AKR1A1: variants seen among roughly 807,000 people sequenced by gnomAD.
AKR1A1 encodes the protein aldo-keto reductase family 1 member A1, also known as HEL-S-165mP.
A neutral mutation model predicts 39.2 loss-of-function variants in AKR1A1; 26 were observed. The ratio of observed to expected loss-of-function variants is 0.66; its 90% CI spans 0.49 to 0.92. AKR1A1 has a LOEUF of 0.92. Among genes scored for constraint, AKR1A1 ranks in the 40% least tolerant of loss-of-function variants. AKR1A1 has a pLI of 0.00. For synonymous variants in AKR1A1, 141 were observed against 155.5 expected, an observed-to-expected ratio of 0.91 and a Z score of 0.69; for missense variants, 378 against 406.5, an observed-to-expected ratio of 0.93 and a Z score of 0.60.
At chr1:45,568,381 G>A in intron 5 of AKR1A1, 104 bp from the exon 6 acceptor site, 6 of 1,342,594 alleles carry the variant, frequency 4.5e-6, no homozygotes, top group Non-Finnish European at 6.3e-6. Context: ...CTGAAGGGGA[G>A]TGGAGGAGTC....
chr1:45,561,144 CT>C (rs1644272439), intron 1 of AKR1A1, among the ~76,000 whole-genome samples: 1 of 152,182 alleles, frequency 6.6e-6, no homozygotes, highest in Non-Finnish European at 1.5e-5. Flanking sequence ...CTTTGCCTGC[CT>C]TACACTGGCT....
intron 1 of AKR1A1, among the ~76,000 whole-genome samples, chr1:45,553,205 C>G (rs576495031): frequency 2.0e-5 from 3 of 150,534 alleles, no homozygotes; most frequent in Admixed American, 1.3e-4. Flanking sequence ...GGGCAGATCA[C>G]GAGGTCAAGA....
rs67386168 is a variant in AKR1A1 at position 45,557,912 on chromosome 1, C to CTTTTTTTTTTTTTT, written c.-6-3875_-6-3862dup. ...TGTACTGGCTTTACTCACAACTTGT[C>CTTTTTTTTTTTTTT]TTTTTTTTTTTTTTTGAGATGGAGC... is the stretch of plus-strand genomic sequence containing the variant. On this transcript the variant is annotated intron_variant, in intron 1 of 8. Transcript: ENST00000351829. 9.5e-3 allele frequency among the ~76,000 whole-genome samples: 1,067 copies of CTTTTTTTTTTTTTT among 111,984 alleles called. 78 individuals carry two copies. Among genetic ancestry groups the CTTTTTTTTTTTTTT allele is most frequent in the Middle Eastern group, 0.028 (5 of 180 alleles). The allele number at this position is 111,984 out of a possible 152,430, so 73.5% of individuals were successfully genotyped here.
intron 2 of AKR1A1, among the ~76,000 whole-genome samples, chr1:45,564,311 G>A (rs1644312803): frequency 6.6e-6 from 1 of 152,174 alleles, no homozygotes; most frequent in Non-Finnish European, 1.5e-5. Context: ...GGGGTCAGAT[G>A]TTAGGGGAAG....
chr1:45,564,941 G>GCCT (rs902266782), intron 2 of AKR1A1, among the ~76,000 whole-genome samples: 1 of 151,480 alleles, frequency 6.6e-6, no homozygotes, highest in African/African-American at 2.4e-5. Context: ...TCCTGCCTCA[G>GCCT]CCTCCTGAGT....
chr1:45,566,536 A>T (rs1174403684), intron 2 of AKR1A1, 33 bp from the exon 3 acceptor site: 1 of 1,612,860 alleles, frequency 6.2e-7, no homozygotes, highest in African/African-American at 1.3e-5. Context: ...TGAAACCAAC[A>T]TAGCTGAAAC....
intron 1 of AKR1A1, among the ~76,000 whole-genome samples, chr1:45,558,052 G>C (rs1022351191): frequency 6.6e-6 from 1 of 151,304 alleles, no homozygotes; most frequent in African/African-American, 2.4e-5. Context: ...TGGGATTAAG[G>C]TGTGCACCAC....
rs1448229270 is a variant in AKR1A1 at position 45,561,967 on chromosome 1, G to A, written c.84+89G>A. On this transcript the variant is annotated intron_variant, in intron 2 of 8. Transcript: ENST00000351829. The stretch of plus-strand genomic sequence containing the variant: ...CACCCCCATACTCCCCTTCCAGCGG[G>A]GATGAGCCAGTGGGAAGAGATAAGA... 6.1e-6 allele frequency: 8 copies of A among 1,301,280 alleles called. No homozygotes were observed. In the African/African-American group the frequency reaches 7.3e-5, roughly 12 times the overall value. 80.6% of individuals were successfully genotyped at this position (1,301,280 alleles called of 1,614,324 possible).
chr1:45,559,555 A>G (rs1414746558), intron 1 of AKR1A1, among the ~76,000 whole-genome samples: 1 of 148,592 alleles, frequency 6.7e-6, no homozygotes, highest in Non-Finnish European at 1.5e-5. Flanking sequence ...ATCTTTTTAT[A>G]GGTCTGTGTT....
rs956114605 is a variant in AKR1A1, at chr1:45,560,995, G to A, written c.-6-794G>A. On this transcript the variant is annotated intron_variant, in intron 1 of 8. Coordinates refer to ENST00000351829, the MANE Select transcript of AKR1A1 (RefSeq NM_153326.3). ...ACCCGCCTCGGCCTCCCAAAGTGCTGGGATTACAGGCGTGAGCCACCGTGC... is the reference window on the plus strand; with the variant it reads ...ACCCGCCTCGGCCTCCCAAAGTGCTAGGATTACAGGCGTGAGCCACCGTGC... Among the ~76,000 whole-genome samples, 21 of 152,314 alleles carry A rather than the reference G, an allele frequency of 1.4e-4. 1 individual carries two copies. The highest frequency in any genetic ancestry group is 5.8e-4 in the East Asian group (3 of 5,186).
intron 4 of AKR1A1, 116 bp downstream of exon 4, chr1:45,567,136 C>T (rs975214185): frequency 5.0e-6 from 7 of 1,393,570 alleles, no homozygotes; most frequent in Non-Finnish European, 6.8e-6. Context: ...GCATGCCAAG[C>T]TGAGGAGCTT....
At chr1:45,569,110 C>T (rs887697627) in intron 7 of AKR1A1, 33 bp from the exon 8 acceptor site, 6 of 1,608,622 alleles carry the variant, frequency 3.7e-6, no homozygotes, top group Non-Finnish European at 4.3e-6. Flanking sequence ...GCTCACAAAG[C>T]TGGCTTTCTT....
chr1:45,561,951 A>G, intron 2 of AKR1A1, 73 bp downstream of exon 2: 1 of 1,452,804 alleles, frequency 6.9e-7, no homozygotes, highest in Non-Finnish European at 9.6e-7. Flanking sequence ...CCACCCCCAT[A>G]CTCCCCTTCC....
chr1:45,564,109 GT>G (rs1008551243), intron 2 of AKR1A1, among the ~76,000 whole-genome samples: 1 of 152,192 alleles, frequency 6.6e-6, no homozygotes, highest in Non-Finnish European at 1.5e-5. Context: ...TTAGACTGAT[GT>G]TTGTGGTGTG....
intron 6 of AKR1A1, 26 bp downstream of exon 6, chr1:45,568,710 C>T (rs1411400029): frequency 6.2e-7 from 1 of 1,611,882 alleles, no homozygotes; most frequent in Admixed American, 1.7e-5. Context: ...AGGGAGAGGG[C>T]CCTGGGTTGG....
intron 4 of AKR1A1, 76 bp from the exon 5 acceptor site, chr1:45,567,906 T>C (rs1644364757): frequency 4.4e-6 from 6 of 1,375,928 alleles, no homozygotes; most frequent in Admixed American, 2.5e-5. Context: ...GTTTGGGACA[T>C]AGAGTGGCTG....
Position 45,568,584 on chromosome 1 carries a change from C to A in AKR1A1, c.652C>A (p.Arg218Ser). The A allele has an allele frequency of 6.2e-7, 1 of 1,613,946 alleles. No individual in the cohort carries two copies. The highest frequency in any genetic ancestry group is 8.5e-7 in the Non-Finnish European group (1 of 1,179,940). Residue 218 changes from arginine to serine, a missense_variant, in exon 6 of 9, where the codon CGT (arginine) becomes AGT (serine). Transcript: ENST00000351829. ...TTATAGCCCTTTGGGCTCCTCTGAT[C>A]GTGCATGGCGTGATCCTGATGAGCC... The part of the protein sequence containing the change: ...TAYSPLGSSD[R>S]AWRDPDEPVL...
rs1557637562 is a variant in AKR1A1 at position 45,568,465 on chromosome 1, TG to T, written c.553-17del. On this transcript the variant is annotated intron_variant, in intron 5 of 8. Transcript: ENST00000351829. ...GCTGGGTGTCACCACTTCATGGTGATGGGTTATTCTTTGGCTCAGGTGGAAT... is the reference window on the plus strand; with the variant it reads ...GCTGGGTGTCACCACTTCATGGTGATGGTTATTCTTTGGCTCAGGTGGAAT... 1 of 1,612,974 alleles carries T rather than the reference TG, an allele frequency of 6.2e-7. No individual in the cohort carries two copies. The highest frequency in any genetic ancestry group is 1.1e-5 in the South Asian group (1 of 91,008).
chr1:45,566,608 C>G lies in AKR1A1; in HGVS notation c.124C>G (p.Arg42Gly). ...TAAGTATGCCCTTAGCGTAGGCTAC[C>G]GCCACATTGATTGTGCTGCTATCTA... ...AVKYALSVGY[R>G]HIDCAAIYGN... The change falls in exon 3 of 9, where the codon CGC becomes GGC. Residue 42 changes from arginine (R) to glycine (G), a missense_variant. Transcript: ENST00000351829. 1 of 1,614,246 alleles carries G rather than the reference C, an allele frequency of 6.2e-7. No individual in the cohort carries two copies. The highest frequency in any genetic ancestry group is 8.5e-7 in the Non-Finnish European group (1 of 1,180,046).
Sources: allele counts gnomAD v4.1 joint callset (sites outside exome capture counted in the v4.1 genomes callset), GRCh38; gene constraint gnomAD v4.1.1; transcripts MANE v1.5; gene names NCBI Gene and HGNC (gene_info 2026-07-23, HGNC 2026-07-21).